Variants in CACNA2D4 observed in about 807,000 individuals in gnomAD.
CACNA2D4 encodes the protein voltage-dependent calcium channel subunit alpha-2/delta-4.
CACNA2D4 carries 157 observed loss-of-function variants against 163.8 expected under a neutral mutation model. The observed-to-expected ratio is 0.96, with a 90% CI of 0.84 to 1.09. The LOEUF is 1.09. Among genes scored for constraint, CACNA2D4 ranks in the 50% least tolerant of loss-of-function variants. The pLI, the probability that CACNA2D4 is intolerant of heterozygous loss-of-function variation, is 0.00. For missense variants in CACNA2D4, 1,410 were observed against 1,479.9 expected, an observed-to-expected ratio of 0.95 and a Z score of 0.78; for synonymous variants, 598 against 586.9, an observed-to-expected ratio of 1.02 and a Z score of -0.27.
chr12:1,915,379 T>C (rs1353587141), intron 1 of CACNA2D4, among the ~76,000 whole-genome samples: 3 of 152,098 alleles, frequency 2.0e-5, no homozygotes, highest in Non-Finnish European at 2.9e-5. Context: ...GGCCTCTGGT[T>C]GGAGAGTGGC....
rs757844766 is a variant in CACNA2D4, at chr12:1,797,493, G to A, written c.3038C>T (p.Thr1013Met). 15 of 1,584,802 alleles carry A rather than the reference G, an allele frequency of 9.5e-6. No individual in the cohort carries two copies. Among genetic ancestry groups the A allele is most frequent in the Non-Finnish European group, 1.3e-5 (15 of 1,167,362 alleles). ...KKQDPLQPCD[T>M]EYPVFVYQPA... ...CTGGTACACGAACACGGGGTACTCC[G>A]TGTCGCAGGGCTGCAGCGGGTCCTG... Residue 1013 changes from threonine to methionine, a missense_variant, in exon 35 of 38, where the codon ACG becomes ATG. Physicochemically the swap from Thr to Met is moderately conservative, Grantham distance 81. Transcript: ENST00000382722.
rs909452787 is a variant in CACNA2D4, at chr12:1,829,587, G to T, written c.2551+11152C>A. On this transcript the variant is annotated intron_variant, in intron 26 of 37. Coordinates refer to ENST00000382722, the MANE Select transcript of CACNA2D4 (RefSeq NM_172364.5). The surrounding 1 kb of genome is among the most constrained non-coding windows in gnomAD (Gnocchi z 4.2). ...CATCGATCCTCCAGGCAGGGAAGGG[G>T]AGAGTCTCATCCTGTTCCTTCAAGC... Among the ~76,000 whole-genome samples, 1 of 152,036 alleles carries T rather than the reference G, an allele frequency of 6.6e-6. No homozygotes were observed. The highest frequency in any genetic ancestry group is 2.4e-5 in the African/African-American group (1 of 41,418).
At chr12:1,884,082 T>C (rs900727261) in intron 12 of CACNA2D4, 161 bp downstream of exon 12, 3 of 584,574 alleles carry the variant, frequency 5.1e-6, no homozygotes, top group Non-Finnish European at 6.1e-6. Context: ...CACCTTGCTT[T>C]TTCCAAATAT....
chr12:1,798,602 G>T lies in CACNA2D4; in HGVS notation c.2996-1067C>A, dbSNP rs1402104017. 1.3e-5 allele frequency among the ~76,000 whole-genome samples: 2 copies of T among 152,172 alleles called. No individual in the cohort carries two copies. Among genetic ancestry groups the T allele is most frequent in the Non-Finnish European group, 2.9e-5 (2 of 68,004 alleles). ...GTGGCGTCCCCAGGGTCACGCAGTGGAAGGGGCTGCAGCACCTACGCCCCG... is the reference window on the plus strand; with the variant it reads ...GTGGCGTCCCCAGGGTCACGCAGTGTAAGGGGCTGCAGCACCTACGCCCCG... On this transcript the variant is annotated intron_variant, in intron 34 of 37. Transcript: ENST00000382722. This position sits in a 1 kb window ranked among gnomAD's most constrained non-coding sequence, Gnocchi z 4.3.
intron 11 of CACNA2D4, among the ~76,000 whole-genome samples, 169 bp downstream of exon 11, chr12:1,884,599 G>A (rs1037817317): frequency 6.6e-6 from 1 of 152,028 alleles, no homozygotes; most frequent in African/African-American, 2.4e-5. Context: ...TCTGTGTCTC[G>A]GGTAGCCATA....
rs1019236863 is a variant in CACNA2D4, at chr12:1,802,921, T to C, written c.2722-1277A>G. On this transcript the variant is annotated intron_variant, in intron 29 of 37. Transcript: ENST00000382722. The surrounding 1 kb of genome is among the most constrained non-coding windows in gnomAD (Gnocchi z 4.7). Reference sequence around the variant, plus strand: ...TGAAAACTGTATGAGAACAGGACCATGTCTTACTCATCTCTGAATTCCCCA... The same window carrying C: ...TGAAAACTGTATGAGAACAGGACCACGTCTTACTCATCTCTGAATTCCCCA... 6.6e-6 allele frequency among the ~76,000 whole-genome samples: 1 copy of C among 152,214 alleles called. No individual in the cohort carries two copies. The highest frequency in any genetic ancestry group is 1.5e-5 in the Non-Finnish European group (1 of 68,046).
chr12:1,918,215 GT>G (rs1867041269), intron 1 of CACNA2D4, 31 bp downstream of exon 1: 12 of 1,521,478 alleles, frequency 7.9e-6, no homozygotes, highest in South Asian at 2.4e-5. Flanking sequence ...GGGTGACCGG[GT>G]TTTTGGGGTG....
chr12:1,911,358 G>C (rs1362484225), intron 3 of CACNA2D4, among the ~76,000 whole-genome samples: 2 of 152,048 alleles, frequency 1.3e-5, no homozygotes, highest in East Asian at 3.9e-4. Context: ...CAGCATCGCA[G>C]AGTGTCAGGG....
At chr12:1,809,089 T>C (rs968786600) in intron 29 of CACNA2D4, among the ~76,000 whole-genome samples, 7 of 152,388 alleles carry the variant, frequency 4.6e-5, no homozygotes, top group Non-Finnish European at 8.8e-5. Flanking sequence ...ATTTAAACAC[T>C]ACCCCAAGGA....
chr12:1,899,283 A>G (rs952235149), intron 6 of CACNA2D4, among the ~76,000 whole-genome samples: 13 of 152,016 alleles, frequency 8.6e-5, no homozygotes, highest in Admixed American at 5.9e-4. Context: ...AACAAAATAA[A>G]CCCAAAGAAA....
At chr12:1,845,227 T>G (rs1480152027) in intron 24 of CACNA2D4, among the ~76,000 whole-genome samples, 4 of 151,744 alleles carry the variant, frequency 2.6e-5, no homozygotes, top group African/African-American at 9.7e-5. Flanking sequence ...CGAGTCTGGG[T>G]GAAGGGAGCC....
chr12:1,868,764 A>T (rs979904409), intron 18 of CACNA2D4, among the ~76,000 whole-genome samples: 7 of 152,170 alleles, frequency 4.6e-5, no homozygotes, highest in Non-Finnish European at 7.3e-5. Flanking sequence ...CAGGTTCCAC[A>T]TCCCTGGATT....
intron 18 of CACNA2D4, among the ~76,000 whole-genome samples, chr12:1,863,789 C>A (rs1865577407): frequency 6.6e-6 from 1 of 151,944 alleles, no homozygotes; most frequent in Non-Finnish European, 1.5e-5. Context: ...TGTGTACAAC[C>A]ATCCCAAGCC....
At position 1,828,118 on chromosome 12, in the gene CACNA2D4, C is replaced by T. The variant is rs376050275; in HGVS notation, c.2551+12621G>A. On this transcript the variant is annotated intron_variant, in intron 26 of 37. Coordinates refer to ENST00000382722, the MANE Select transcript of CACNA2D4 (RefSeq NM_172364.5). The surrounding 1 kb of genome is among the most constrained non-coding windows in gnomAD (Gnocchi z 4.2). ...CCCAGGGGCTCCTCTCTCCCCAGAG[C>T]GACAGGGCCCGGAGAGCCGTGGGCC... The T allele has an allele frequency of 2.0e-4, 297 of 1,505,064 alleles. 2 individuals are homozygous for T. The highest frequency in any genetic ancestry group is 5.8e-4 in the East Asian group (23 of 39,656). 93.2% of individuals were successfully genotyped at this position (1,505,064 alleles called of 1,614,324 possible).
chr12:1,841,087 C>T (rs754714092), intron 25 of CACNA2D4, among the ~76,000 whole-genome samples: 11 of 152,220 alleles, frequency 7.2e-5, no homozygotes, highest in African/African-American at 1.9e-4. Context: ...GGGGTTTCTG[C>T]GTGTTTGTCG....
intron 26 of CACNA2D4, among the ~76,000 whole-genome samples, chr12:1,836,938 G>A (rs1237425986): frequency 6.6e-6 from 1 of 152,216 alleles, no homozygotes; most frequent in East Asian, 1.9e-4. Context: ...GGCGGAGGCC[G>A]AGTCCTGGAT....
chr12:1,909,633 C>T (rs1866764428), intron 4 of CACNA2D4, among the ~76,000 whole-genome samples: 1 of 152,256 alleles, frequency 6.6e-6, no homozygotes, highest in South Asian at 2.1e-4. Context: ...ACCTCCTCTT[C>T]TCCAGCCTGC....
In CACNA2D4 at chr12:1,887,038, G is replaced by A; in HGVS notation, c.813C>T (p.Val271=). 6.3e-7 allele frequency: 1 copy of A among 1,594,864 alleles called. No homozygotes were observed. The highest frequency in any genetic ancestry group is 8.6e-7 in the Non-Finnish European group (1 of 1,167,940). The change falls in exon 7 of 38, where the codon GTC becomes GTT. Residue 271 remains valine (V), a synonymous_variant. Transcript: ENST00000382722. ...CGCGGTTTCGGCAGTCAAAAGTAAT[G>A]ACTCCATTCTCATCAGGTGTCCATT... is the stretch of plus-strand genomic sequence containing the variant. ...GIKWTPDENG[V]ITFDCRNRGW...
chr12:1,893,920 A>T (rs1189088429), intron 6 of CACNA2D4, among the ~76,000 whole-genome samples: 1 of 152,192 alleles, frequency 6.6e-6, no homozygotes, highest in African/African-American at 2.4e-5. Flanking sequence ...ACAGAAACAA[A>T]CAAACTAGAG....
Sources: allele counts gnomAD v4.1 joint callset (sites outside exome capture counted in the v4.1 genomes callset), GRCh38; gene constraint gnomAD v4.1.1; non-coding constraint Gnocchi (gnomAD v3.1); transcripts MANE v1.5; gene names NCBI Gene and HGNC (gene_info 2026-07-23, HGNC 2026-07-21).